Variants in TMCO5A observed in about 807,000 individuals in gnomAD.
TMCO5A encodes transmembrane and coiled-coil domain-containing protein 5A.
In TMCO5A, 34 loss-of-function variants were observed where a neutral mutation model predicts 42.3. The observed-to-expected ratio is 0.80, with a 90% CI of 0.61 to 1.07. The LOEUF (loss-of-function observed/expected upper bound fraction) is 1.07, where lower values mean the gene tolerates loss of function less well. Ranked by LOEUF, TMCO5A falls within the 50% of genes least tolerant of loss-of-function variation. The probability of loss-of-function intolerance (pLI) is 0.00; values close to 1 mark genes in which losing one functional copy is unlikely to be tolerated. For missense variants in TMCO5A, 357 were observed against 327.9 expected (o/e 1.09, Z -0.69); for synonymous variants, 131 against 115.6 (o/e 1.13, Z -0.86).
At chr15:38,038,298 A>C in the TMCO5A span, among the ~76,000 whole-genome samples, 1 of 152,202 alleles carries the variant, frequency 6.6e-6, no homozygotes. Flanking sequence ...GGACGATGGC[A>C]CTGCTATAAA....
chr15:38,000,600 A>G, the TMCO5A span, among the ~76,000 whole-genome samples: 1 of 151,712 alleles, frequency 6.6e-6, no homozygotes, highest in African/African-American at 2.4e-5. Context: ...AAAATGTATA[A>G]TTGTGTTATT....
At chr15:38,038,189 T>C in the TMCO5A span, among the ~76,000 whole-genome samples, 1 of 152,188 alleles carries the variant, frequency 6.6e-6, no homozygotes, top group Admixed American at 6.5e-5. Flanking sequence ...TGTCTGTTCC[T>C]ACCGTGTCCA....
chr15:37,989,139 C>A, the TMCO5A span, among the ~76,000 whole-genome samples: 1 of 151,568 alleles, frequency 6.6e-6, no homozygotes, highest in African/African-American at 2.4e-5. Context: ...ATAGTACTCT[C>A]TTATAATCCT....
chr15:38,035,346 T>A, the TMCO5A span, among the ~76,000 whole-genome samples: 1 of 152,240 alleles, frequency 6.6e-6, no homozygotes, highest in East Asian at 1.9e-4. Flanking sequence ...TAGTGCCATT[T>A]AGGCTTATAT....
chr15:37,973,374 C>T, the TMCO5A span, among the ~76,000 whole-genome samples: 1 of 152,044 alleles, frequency 6.6e-6, no homozygotes, highest in Non-Finnish European at 1.5e-5. Flanking sequence ...CTATAAATTG[C>T]TTTGGTCAGT....
chr15:37,947,825 A>C (rs12148646), intron 11 of TMCO5A, 129 bp downstream of exon 11: 17 of 360,146 alleles, frequency 4.7e-5, no homozygotes, highest in Admixed American at 7.6e-5. Context: ...CACACACACA[A>C]GTCAGCAAAC....
the TMCO5A span, among the ~76,000 whole-genome samples, chr15:37,976,793 C>CTTTTTTTTTTTTTTT: frequency 4.3e-5 from 5 of 116,844 alleles, no homozygotes; most frequent in Non-Finnish European, 8.5e-5. Context: ...TTTCTTCTTT[C>CTTTTTTTTTTTTTTT]TTTTTTTTTT....
the TMCO5A span, among the ~76,000 whole-genome samples, chr15:38,025,705 C>T: frequency 6.6e-6 from 1 of 152,162 alleles, no homozygotes; most frequent in African/African-American, 2.4e-5. Context: ...TGTGTCCCCA[C>T]CCCAATCTCA....
At chr15:37,975,623 G>A in the TMCO5A span, among the ~76,000 whole-genome samples, 1 of 151,086 alleles carries the variant, frequency 6.6e-6, no homozygotes, top group Non-Finnish European at 1.5e-5. Context: ...TTAAGTCTAT[G>A]GGTGTCATTA....
the TMCO5A span, among the ~76,000 whole-genome samples, chr15:38,036,601 A>ACTGT: frequency 6.6e-6 from 1 of 151,954 alleles, no homozygotes; most frequent in Non-Finnish European, 1.5e-5. Flanking sequence ...ATGCCTCCAT[A>ACTGT]CTGTCGTTCA....
chr15:37,996,947 T>G, the TMCO5A span, among the ~76,000 whole-genome samples: 1 of 152,186 alleles, frequency 6.6e-6, no homozygotes, highest in Non-Finnish European at 1.5e-5. Flanking sequence ...TTCTATAACT[T>G]CTATCTTAAA....
the TMCO5A span, among the ~76,000 whole-genome samples, chr15:38,022,235 C>T: frequency 6.6e-6 from 1 of 152,082 alleles, no homozygotes; most frequent in African/African-American, 2.4e-5. Flanking sequence ...TTTTAATTAC[C>T]AAAATTTGGA....
At chr15:37,967,190 A>C (rs1890577686) in exon 12 of TMCO5A, 1 of 153,608 alleles carries the variant, frequency 6.5e-6, no homozygotes, top group South Asian at 2.0e-4. Context: ...TCACCAACTC[A>C]AAGTAGCATA....
the TMCO5A span, among the ~76,000 whole-genome samples, chr15:38,009,913 A>C: frequency 6.6e-6 from 1 of 152,200 alleles, no homozygotes; most frequent in African/African-American, 2.4e-5. Flanking sequence ...TAGGCTGAGA[A>C]TGCCCCCCCA....
downstream of TMCO5A, among the ~76,000 whole-genome samples, chr15:37,956,386 C>T (rs762026136): frequency 4.6e-5 from 7 of 151,934 alleles, no homozygotes; most frequent in South Asian, 2.1e-4. Flanking sequence ...ATCAAATAGA[C>T]GCAATAAAAA....
the TMCO5A span, among the ~76,000 whole-genome samples, chr15:38,014,893 A>ATATATG: frequency 2.5e-5 from 3 of 121,014 alleles, no homozygotes; most frequent in Non-Finnish European, 5.3e-5. Flanking sequence ...ATATATATAT[A>ATATATG]TATATGAGTT....
rs1305003887 is a variant in TMCO5A at position 37,943,375 on chromosome 15, G to T, written c.604G>T (p.Glu202Ter). 3.1e-6 allele frequency: 5 copies of T among 1,612,368 alleles called. No individual in the cohort carries two copies. Among genetic ancestry groups the T allele is most frequent in the African/African-American group, 1.3e-5 (1 of 74,912 alleles). ...KLVSMNPVEK[E>*]HTSQNNEGTP... ...CGTGAGCATGAACCCTGTGGAAAAAGAGCATACCAGCCAAAATAATGAGGT... is the reference window on the plus strand; with the variant it reads ...CGTGAGCATGAACCCTGTGGAAAAATAGCATACCAGCCAAAATAATGAGGT... Residue 202 changes from glutamate (E) to a stop codon, truncating the protein, a stop_gained, in exon 10 of 12, where the codon GAG (glutamate) becomes TAG (stop). Coordinates refer to ENST00000319669, the MANE Select transcript of TMCO5A (RefSeq NM_152453.4). LOFTEE classifies it high-confidence loss of function.
At chr15:37,938,125 T>C in intron 5 of TMCO5A, 33 bp from the exon 6 acceptor site, 1 of 1,533,920 alleles carries the variant, frequency 6.5e-7, no homozygotes, top group Non-Finnish European at 8.8e-7. Flanking sequence ...TCTACACCTT[T>C]TAATTTAGTA....
At chr15:37,969,705 C>G (rs1057393874), downstream of TMCO5A, among the ~76,000 whole-genome samples, 1 of 152,138 alleles carries the variant, frequency 6.6e-6, no homozygotes, top group African/African-American at 2.4e-5. Flanking sequence ...TCTCCCTCCT[C>G]CACCTTCCAC....
Sources: allele counts gnomAD v4.1 joint callset (sites outside exome capture counted in the v4.1 genomes callset), GRCh38; gene constraint gnomAD v4.1.1; transcripts MANE v1.5; gene names NCBI Gene and HGNC (gene_info 2026-07-23, HGNC 2026-07-21).